Variants in SORCS1 observed in about 807,000 individuals in gnomAD.
SORCS1 encodes the protein sortilin related VPS10 domain containing receptor 1.
SORCS1 carries 60 observed loss-of-function variants against 146.1 expected under a neutral mutation model. The ratio of observed to expected loss-of-function variants is 0.41; its 90% CI spans 0.33 to 0.51. The LOEUF is 0.51. Ranked by LOEUF, SORCS1 falls within the 20% of genes least tolerant of loss-of-function variation. The probability of loss-of-function intolerance (pLI) is 0.21; values close to 1 mark genes in which losing one functional copy is unlikely to be tolerated. For missense variants in SORCS1, 1,352 were observed against 1,487.6 expected (o/e 0.91, Z 1.50); for synonymous variants, 637 against 584.0 (o/e 1.09, Z -1.31).
chr10:106,930,664 T>C (rs1165175707), intron 2 of SORCS1, among the ~76,000 whole-genome samples: 1 of 152,206 alleles, frequency 6.6e-6, no homozygotes, highest in East Asian at 1.9e-4. Context: ...TTCTGTTTCA[T>C]CTTGCTTTGT....
At chr10:106,915,564 C>A (rs1445081894) in intron 2 of SORCS1, among the ~76,000 whole-genome samples, 3 of 152,182 alleles carry the variant, frequency 2.0e-5, no homozygotes, top group South Asian at 4.1e-4. Context: ...CAGGCCCACT[C>A]TACTCTAGTC....
At chr10:106,794,501 C>CTTTTTT (rs35647552) in intron 3 of SORCS1, among the ~76,000 whole-genome samples, 204 of 125,954 alleles carry the variant, frequency 1.6e-3, no homozygotes, top group Non-Finnish European at 1.9e-3. Context: ...TTTTCTTTTT[C>CTTTTTT]TTTTTTTTTT....
At chr10:106,989,444 G>T (rs542640768) in intron 1 of SORCS1, among the ~76,000 whole-genome samples, 23 of 151,836 alleles carry the variant, frequency 1.5e-4, no homozygotes, top group African/African-American at 5.3e-4. Flanking sequence ...CCATCTTCAA[G>T]CATGATCTGT....
intron 21 of SORCS1, among the ~76,000 whole-genome samples, chr10:106,613,996 A>AC (rs1341348309): frequency 1.3e-5 from 2 of 151,552 alleles, no homozygotes; most frequent in East Asian, 3.9e-4. Context: ...CATCCCATGC[A>AC]CCCTTCATCA....
At chr10:106,856,176 C>A (rs530947203) in intron 2 of SORCS1, among the ~76,000 whole-genome samples, 1 of 152,028 alleles carries the variant, frequency 6.6e-6, no homozygotes, top group African/African-American at 2.4e-5. Flanking sequence ...ACAGGCATGC[C>A]TCACCGCGTC....
Position 106,879,492 on chromosome 10 carries a change from T to G in SORCS1, c.627-49819A>C, listed in dbSNP as rs558487880. On this transcript the variant is annotated intron_variant, in intron 2 of 25. Transcript: ENST00000263054. ...TTCCCTCCTCCTCTCCTAAAGATGT[T>G]CTTCCCTAATGAATAGGTTAGATGA... Among the ~76,000 whole-genome samples the G allele has an allele frequency of 8.5e-5, 13 of 152,378 alleles. No individual in the cohort carries two copies. In the South Asian group the frequency reaches 2.5e-3, roughly 29 times the overall value.
intron 24 of SORCS1, among the ~76,000 whole-genome samples, chr10:106,587,053 A>G (rs1196817502): frequency 2.6e-5 from 4 of 152,244 alleles, no homozygotes; most frequent in Non-Finnish European, 5.9e-5. Flanking sequence ...TTAGATATAT[A>G]TCTACATGAT....
At position 106,874,083 on chromosome 10, in the gene SORCS1, T is replaced by C. The variant is rs79506433; in HGVS notation, c.627-44410A>G. ...GTCAATATAGAGTACTTTATAAATATTTACTAATATACAATGAGCTCACTG... is the reference window on the plus strand; with the variant it reads ...GTCAATATAGAGTACTTTATAAATACTTACTAATATACAATGAGCTCACTG... On this transcript the variant is annotated intron_variant, in intron 2 of 25. Coordinates refer to ENST00000263054, the MANE Select transcript of SORCS1 (RefSeq NM_052918.5). 1.6e-3 allele frequency among the ~76,000 whole-genome samples: 251 copies of C among 152,322 alleles called. 2 individuals are homozygous for C. Among genetic ancestry groups the C allele is most frequent in the African/African-American group, 5.1e-3 (213 of 41,568 alleles).
intron 2 of SORCS1, among the ~76,000 whole-genome samples, chr10:106,851,834 A>G (rs1949586409): frequency 6.6e-6 from 1 of 152,224 alleles, no homozygotes; most frequent in Non-Finnish European, 1.5e-5. Context: ...GTCCATGGAT[A>G]TGGAATATCT....
chr10:106,876,310 C>CT lies in SORCS1; in HGVS notation c.627-46638dup, dbSNP rs993725562. ...TTGAACTGTAGTTAGAAGTTATGAA[C>CT]TTTTTTTTTAATCAGCAGAAGCTCA... On this transcript the variant is annotated intron_variant, in intron 2 of 25. Transcript: ENST00000263054. 1.7e-3 allele frequency among the ~76,000 whole-genome samples: 254 copies of CT among 151,734 alleles called. 2 individuals carry two copies. Among genetic ancestry groups the CT allele is most frequent in the African/African-American group, 5.2e-3 (215 of 41,434 alleles).
At chr10:106,650,128 C>A (rs1849749691) in intron 18 of SORCS1, among the ~76,000 whole-genome samples, 1 of 152,112 alleles carries the variant, frequency 6.6e-6, no homozygotes, top group South Asian at 2.1e-4. Context: ...TTTCTAAATG[C>A]CCAACATTTT....
intron 1 of SORCS1, among the ~76,000 whole-genome samples, chr10:106,958,452 C>T (rs1031377940): frequency 2.4e-4 from 36 of 152,318 alleles, no homozygotes; most frequent in African/African-American, 8.4e-4. Flanking sequence ...TCTACTAGCA[C>T]AGCGTTTGAT....
At chr10:107,114,405 A>C (rs1965889840) in intron 1 of SORCS1, among the ~76,000 whole-genome samples, 1 of 152,218 alleles carries the variant, frequency 6.6e-6, no homozygotes, top group Non-Finnish European at 1.5e-5. Context: ...CAAACTCAGA[A>C]GCACATTAAA....
chr10:106,599,367 C>CAAAAAA (rs531734833), intron 23 of SORCS1, among the ~76,000 whole-genome samples: 91 of 116,648 alleles, frequency 7.8e-4, no homozygotes, highest in African/African-American at 2.7e-3. Flanking sequence ...AACTCTAATT[C>CAAAAAA]AAAAAAAAAA....
chr10:106,724,106 T>A (rs150245152), intron 6 of SORCS1, among the ~76,000 whole-genome samples: 4 of 152,284 alleles, frequency 2.6e-5, no homozygotes, highest in African/African-American at 9.6e-5. Context: ...GATATAAAAA[T>A]TTCTGTGATT....
intron 6 of SORCS1, among the ~76,000 whole-genome samples, chr10:106,720,016 ACCAAATG>A (rs1855671252): frequency 6.6e-6 from 1 of 152,158 alleles, no homozygotes; most frequent in Admixed American, 6.5e-5. Flanking sequence ...TGGCTTAAAT[ACCAAATG>A]CCACCTTATC....
chr10:106,633,595 T>C (rs966006047), intron 18 of SORCS1, among the ~76,000 whole-genome samples: 1 of 152,182 alleles, frequency 6.6e-6, no homozygotes, highest in Non-Finnish European at 1.5e-5. Context: ...ACTCTGGCTA[T>C]GATATGGAGA....
At chr10:107,016,087 A>C (rs904634652) in intron 1 of SORCS1, among the ~76,000 whole-genome samples, 4 of 152,246 alleles carry the variant, frequency 2.6e-5, no homozygotes, top group African/African-American at 9.6e-5. Flanking sequence ...AAAATTTGAG[A>C]GAGCTACACT....
intron 24 of SORCS1, among the ~76,000 whole-genome samples, chr10:106,587,366 C>T (rs1489124542): frequency 6.6e-6 from 1 of 152,232 alleles, no homozygotes; most frequent in Non-Finnish European, 1.5e-5. Flanking sequence ...ATTTACTTCA[C>T]TTTACAGTTC....
Sources: allele counts gnomAD v4.1 joint callset (sites outside exome capture counted in the v4.1 genomes callset), GRCh38; gene constraint gnomAD v4.1.1; transcripts MANE v1.5; gene names NCBI Gene and HGNC (gene_info 2026-07-23, HGNC 2026-07-21).